FBXL17: variants seen among roughly 807,000 people sequenced by gnomAD.
FBXL17 encodes the protein F-box and leucine rich repeat protein 17, also known as F-box/LRR-repeat protein 17.
Under a neutral mutation model 66.2 loss-of-function variants are expected in FBXL17, and 22 were observed. The observed-to-expected ratio is 0.33, with a 90% CI of 0.24 to 0.47. The LOEUF is 0.47. FBXL17 is among the 20% of genes least tolerant of loss of function. The probability of loss-of-function intolerance (pLI) is 1.00; values close to 1 mark genes in which losing one functional copy is unlikely to be tolerated. For missense variants in FBXL17, 878 were observed against 948.2 expected, an observed-to-expected ratio of 0.93 and a Z score of 0.97; for synonymous variants, 474 against 400.5, an observed-to-expected ratio of 1.18 and a Z score of -2.19.
intron 5 of FBXL17, among the ~76,000 whole-genome samples, chr5:108,205,338 T>C (rs1263798809): frequency 6.6e-6 from 1 of 152,164 alleles, no homozygotes; most frequent in African/African-American, 2.4e-5. Flanking sequence ...GTAAATAAAG[T>C]ATGTGTCTCT....
At chr5:108,143,093 G>T (rs182127622) in intron 6 of FBXL17, among the ~76,000 whole-genome samples, 3 of 152,008 alleles carry the variant, frequency 2.0e-5, no homozygotes, top group South Asian at 2.1e-4. Context: ...AACACCTGAT[G>T]ATCTAAGGTG....
Position 107,859,070 on chromosome 5 carries a change from C to G in FBXL17, c.*2650G>C, listed in dbSNP as rs1748048814. 6.6e-6 allele frequency: 1 copy of G among 152,062 alleles called. No individual in the cohort carries two copies. The highest frequency in any genetic ancestry group is 1.9e-4 in the East Asian group (1 of 5,182). 9.4% of individuals were successfully genotyped at this position (152,062 alleles called of 1,614,324 possible). A position where few individuals can be genotyped will look rare whatever the true frequency, so the allele number is the denominator to read the frequency against. ...CTTTTATTGCAACCCACTGCAAGGT[C>G]AAAGATTCACGGAAATATAGAAACT... On this transcript the variant is annotated 3_prime_UTR_variant, in exon 9 of 9. Coordinates refer to ENST00000542267, the MANE Select transcript of FBXL17 (RefSeq NM_001163315.3).
At chr5:108,316,994 A>T (rs1759395268) in intron 4 of FBXL17, among the ~76,000 whole-genome samples, 1 of 151,324 alleles carries the variant, frequency 6.6e-6, no homozygotes, top group Non-Finnish European at 1.5e-5. Flanking sequence ...ATCACATTTA[A>T]AGTTATTTAT....
intron 7 of FBXL17, among the ~76,000 whole-genome samples, chr5:107,990,944 G>A (rs980325505): frequency 2.0e-5 from 3 of 152,020 alleles, no homozygotes; most frequent in Admixed American, 6.6e-5. Flanking sequence ...AACAAACATC[G>A]ACTCTCAGAA....
intron 6 of FBXL17, among the ~76,000 whole-genome samples, chr5:108,033,845 A>C (rs1028425371): frequency 6.6e-6 from 1 of 152,220 alleles, no homozygotes; most frequent in Admixed American, 6.6e-5. Context: ...TAAAGATTCC[A>C]TAATAACAAT....
intron 8 of FBXL17, among the ~76,000 whole-genome samples, chr5:107,872,164 T>C (rs1748478750): frequency 6.6e-6 from 1 of 152,188 alleles, no homozygotes. Flanking sequence ...AAATAGGTGA[T>C]ATTCTTGGTT....
At chr5:107,953,243 A>T (rs1005398271) in intron 7 of FBXL17, among the ~76,000 whole-genome samples, 7 of 151,974 alleles carry the variant, frequency 4.6e-5, no homozygotes, top group Non-Finnish European at 8.8e-5. Context: ...TCTACTAAAA[A>T]TACAAAAAAA....
chr5:108,313,342 G>C (rs1759210586), intron 4 of FBXL17, among the ~76,000 whole-genome samples: 1 of 152,044 alleles, frequency 6.6e-6, no homozygotes, highest in Non-Finnish European at 1.5e-5. Context: ...TCTAGGAGCA[G>C]ACTTCAATTT....
chr5:108,130,051 A>G (rs970584250), intron 6 of FBXL17, among the ~76,000 whole-genome samples: 3 of 151,948 alleles, frequency 2.0e-5, no homozygotes, highest in Non-Finnish European at 4.4e-5. Context: ...TCAAAGGAAG[A>G]ATAATCATAC....
chr5:108,208,841 T>C (rs1342883339), intron 5 of FBXL17, among the ~76,000 whole-genome samples: 3 of 152,218 alleles, frequency 2.0e-5, no homozygotes, highest in Admixed American at 1.3e-4. Context: ...TTTCCAATTA[T>C]GTGAAGAAAG....
chr5:108,363,224 A>G (rs1348242959), intron 3 of FBXL17, among the ~76,000 whole-genome samples: 3 of 152,076 alleles, frequency 2.0e-5, no homozygotes, highest in Admixed American at 1.3e-4. Context: ...TGCATTGCAC[A>G]TAAGGATGTG....
rs190270898 is a variant in FBXL17, at chr5:107,970,954, G to T, written c.1822+49971C>A. Among the ~76,000 whole-genome samples the T allele has an allele frequency of 6.7e-3, 1,021 of 152,248 alleles. 10 individuals carry two copies. The highest frequency in any genetic ancestry group is 0.014 in the Middle Eastern group (4 of 294). ...TTGGATTTATGTAAAATTATGATAT[G>T]CCCGACAGAATCTAGACACAGTATG... On this transcript the variant is annotated intron_variant, in intron 7 of 8. Coordinates refer to ENST00000542267, the MANE Select transcript of FBXL17 (RefSeq NM_001163315.3).
Position 108,128,146 on chromosome 5 carries a change from T to C in FBXL17, c.1745+57971A>G, listed in dbSNP as rs141642873. Among the ~76,000 whole-genome samples, 366 of 151,584 alleles carry C rather than the reference T, an allele frequency of 2.4e-3. 3 individuals are homozygous for C. Among genetic ancestry groups the C allele is most frequent in the Non-Finnish European group, 4.0e-3 (275 of 67,954 alleles). ...CTATAATCCTAGCTACTGGGGAGGATGAAGCACAAGAATAGCTTGAACATG... is the reference window on the plus strand; with the variant it reads ...CTATAATCCTAGCTACTGGGGAGGACGAAGCACAAGAATAGCTTGAACATG... On this transcript the variant is annotated intron_variant, in intron 6 of 8. Coordinates refer to ENST00000542267, the MANE Select transcript of FBXL17 (RefSeq NM_001163315.3).
At chr5:108,150,864 C>T (rs1751747028) in intron 6 of FBXL17, among the ~76,000 whole-genome samples, 1 of 152,162 alleles carries the variant, frequency 6.6e-6, no homozygotes, top group African/African-American at 2.4e-5. Context: ...GTAAAGGTAC[C>T]TTTGCCCTAC....
intron 6 of FBXL17, among the ~76,000 whole-genome samples, chr5:108,124,976 A>C (rs1041713875): frequency 2.0e-5 from 3 of 152,090 alleles, no homozygotes; most frequent in Non-Finnish European, 4.4e-5. Context: ...TATCCTAAAT[A>C]TAAAAATCCA....
At chr5:107,877,431 G>A (rs148255940) in intron 8 of FBXL17, among the ~76,000 whole-genome samples, 1 of 152,226 alleles carries the variant, frequency 6.6e-6, no homozygotes, top group East Asian at 1.9e-4. Flanking sequence ...GGGAAACACT[G>A]TTTTCCTACA....
At chr5:108,267,941 GTTTA>G (rs986301989) in intron 4 of FBXL17, among the ~76,000 whole-genome samples, 1 of 151,968 alleles carries the variant, frequency 6.6e-6, no homozygotes, top group Non-Finnish European at 1.5e-5. Context: ...AATAAGCTCT[GTTTA>G]TTTATAATGA....
intron 4 of FBXL17, among the ~76,000 whole-genome samples, chr5:108,315,037 AAATC>A (rs141587664): frequency 0.016 from 2,384 of 151,204 alleles, 26 homozygotes; most frequent in Middle Eastern, 0.022. Flanking sequence ...TGTCTTCTAA[AAATC>A]AATCAAGAAT....
At chr5:108,124,323 TATTTTA>T (rs1750615183) in intron 6 of FBXL17, among the ~76,000 whole-genome samples, 1 of 152,092 alleles carries the variant, frequency 6.6e-6, no homozygotes, top group South Asian at 2.1e-4. Flanking sequence ...CAGGAAAACT[TATTTTA>T]ATTCCATTCA....
Sources: gnomAD v4.1 joint callset for allele counts (sites outside exome capture counted in the v4.1 genomes callset) on GRCh38, gnomAD v4.1.1 for gene constraint, MANE v1.5 for transcripts, NCBI Gene and HGNC (gene_info 2026-07-23, HGNC 2026-07-21) for gene names.